DNAJC1: variants seen among roughly 807,000 people sequenced by gnomAD.
DNAJC1 encodes dnaJ homolog subfamily C member 1.
In DNAJC1, 58 loss-of-function variants were observed where a neutral mutation model predicts 76.6. The ratio of observed to expected loss-of-function variants is 0.76; its 90% CI spans 0.61 to 0.94. The LOEUF (loss-of-function observed/expected upper bound fraction) is 0.94, where lower values mean the gene tolerates loss of function less well. DNAJC1 is among the 40% of genes least tolerant of loss of function. The pLI is 0.00. For synonymous variants in DNAJC1, 258 were observed against 267.9 expected (o/e 0.96, Z 0.36); for missense variants, 689 against 677.3 (o/e 1.02, Z -0.19).
chr10:21,898,989 A>G (rs1053991287), intron 7 of DNAJC1, among the ~76,000 whole-genome samples: 2 of 152,194 alleles, frequency 1.3e-5, no homozygotes, highest in African/African-American at 4.8e-5. Flanking sequence ...TGACCCATGG[A>G]AAATGAAGAA....
intron 8 of DNAJC1, among the ~76,000 whole-genome samples, chr10:21,826,684 T>C (rs902770584): frequency 1.3e-5 from 2 of 152,202 alleles, no homozygotes; most frequent in Non-Finnish European, 2.9e-5. Context: ...TTCTATATAC[T>C]ATAACGTAAT....
chr10:21,871,740 C>G (rs1277666579), intron 8 of DNAJC1, among the ~76,000 whole-genome samples: 2 of 150,670 alleles, frequency 1.3e-5, no homozygotes, highest in Non-Finnish European at 3.0e-5. Context: ...CTCTGCCTCC[C>G]GGGTTCAGAC....
intron 8 of DNAJC1, among the ~76,000 whole-genome samples, chr10:21,825,569 T>C (rs989190952): frequency 4.6e-5 from 7 of 152,250 alleles, no homozygotes; most frequent in Non-Finnish European, 8.8e-5. Flanking sequence ...CTGGGTCATA[T>C]GGTAACTCTA....
chr10:21,951,974 A>G (rs1355476738), intron 1 of DNAJC1, among the ~76,000 whole-genome samples: 9 of 152,238 alleles, frequency 5.9e-5, no homozygotes, highest in Admixed American at 5.9e-4. Context: ...GCTTTCTGGG[A>G]GACTGTTACT....
rs1410725460 is a variant in DNAJC1 at position 21,895,224 on chromosome 10, T to C, written c.820+9298A>G. ...AGAGCTCTGCAGAAGAGGAGAGCTGTAGAGAAACCCTCAGTCATCTTAGAG... is the reference window on the plus strand; with the variant it reads ...AGAGCTCTGCAGAAGAGGAGAGCTGCAGAGAAACCCTCAGTCATCTTAGAG... On this transcript the variant is annotated intron_variant, in intron 7 of 11. Coordinates refer to ENST00000376980, the MANE Select transcript of DNAJC1 (RefSeq NM_022365.4). Among the ~76,000 whole-genome samples, 4 of 152,130 alleles carry C rather than the reference T, an allele frequency of 2.6e-5. No homozygotes were observed. In the East Asian group the frequency reaches 5.8e-4, roughly 22 times the overall value.
intron 10 of DNAJC1, among the ~76,000 whole-genome samples, chr10:21,763,841 G>A (rs1834267446): frequency 6.6e-6 from 1 of 152,060 alleles, no homozygotes; most frequent in South Asian, 2.1e-4. Flanking sequence ...GCCAAGTGAC[G>A]AGGCCACCAT....
intron 3 of DNAJC1, among the ~76,000 whole-genome samples, chr10:21,921,896 A>C (rs1342334635): frequency 2.0e-5 from 3 of 152,062 alleles, no homozygotes; most frequent in Non-Finnish European, 2.9e-5. Flanking sequence ...ACATACAAAC[A>C]CTGTGTGTTC....
At chr10:21,887,130 C>T (rs368306629) in intron 7 of DNAJC1, among the ~76,000 whole-genome samples, 2 of 151,964 alleles carry the variant, frequency 1.3e-5, no homozygotes, top group East Asian at 1.9e-4. Flanking sequence ...AAAGGCAATC[C>T]TATTCACAAC....
intron 1 of DNAJC1, among the ~76,000 whole-genome samples, chr10:21,950,137 G>T (rs889718824): frequency 1.3e-5 from 2 of 151,848 alleles, no homozygotes; most frequent in African/African-American, 4.8e-5. Flanking sequence ...TACATGTTGC[G>T]GCTATTGTAT....
rs765436601 is a variant in DNAJC1, at chr10:21,766,309, C to T, written c.1099G>A (p.Val367Met). ...AHELGRSVTD[V>M]TTKAKQLKDS... ...TTCAGTTGCTTGGCTTTGGTTGTCA[C>T]CTGTTTCAAAACATAAAAGCAAAAA... is the stretch of plus-strand genomic sequence containing the variant. Residue 367 changes from valine to methionine, a missense_variant and splice_region_variant, in exon 10 of 12, where the codon GTG becomes ATG. Val to Met is a conservative substitution (Grantham distance 21). Transcript: ENST00000376980. 9.9e-6 allele frequency: 16 copies of T among 1,613,682 alleles called. No individual in the cohort carries two copies. The South Asian group carries it at 1.6e-4, about 17-fold the overall frequency.
intron 9 of DNAJC1, among the ~76,000 whole-genome samples, chr10:21,770,718 T>A (rs533305701): frequency 6.6e-6 from 1 of 152,326 alleles, no homozygotes; most frequent in South Asian, 2.1e-4. Flanking sequence ...AGATTCTTGA[T>A]GTGCTCTGGG....
intron 9 of DNAJC1, among the ~76,000 whole-genome samples, chr10:21,804,937 G>A (rs1019504785): frequency 1.3e-5 from 2 of 152,060 alleles, no homozygotes; most frequent in Admixed American, 6.6e-5. Context: ...CAACTTGAGC[G>A]CCAACGTGAC....
At chr10:21,760,061 T>A (rs1254449640) in intron 10 of DNAJC1, among the ~76,000 whole-genome samples, 2 of 152,156 alleles carry the variant, frequency 1.3e-5, no homozygotes, top group East Asian at 3.9e-4. Flanking sequence ...TATGAGTAAA[T>A]TATACACTTA....
chr10:21,810,825 A>T (rs927888560), intron 8 of DNAJC1, among the ~76,000 whole-genome samples: 14 of 152,192 alleles, frequency 9.2e-5, no homozygotes, highest in African/African-American at 3.4e-4. Context: ...GACTTCACTA[A>T]GGACCCATAC....
At chr10:21,818,394 C>T (rs565177870) in intron 8 of DNAJC1, among the ~76,000 whole-genome samples, 33 of 152,250 alleles carry the variant, frequency 2.2e-4, no homozygotes, top group Admixed American at 4.6e-4. Context: ...CAAAGCATGC[C>T]GAAACTTCAT....
In DNAJC1 at chr10:21,775,079, A is replaced by C. The variant is rs965248138; in HGVS notation, c.1099-8770T>G. Among the ~76,000 whole-genome samples, 5 of 152,162 alleles carry C rather than the reference A, an allele frequency of 3.3e-5. 1 individual carries two copies. The East Asian group carries it at 9.6e-4, about 29-fold the overall frequency. On this transcript the variant is annotated intron_variant, in intron 9 of 11. Coordinates refer to ENST00000376980, the MANE Select transcript of DNAJC1 (RefSeq NM_022365.4). ...CAATTTAGCTTATCCATCACACATAATCTGAGTCCTTCAGATCATTATTGT... is the reference window on the plus strand; with the variant it reads ...CAATTTAGCTTATCCATCACACATACTCTGAGTCCTTCAGATCATTATTGT...
At chr10:21,759,050 A>C (rs1834208610) in intron 11 of DNAJC1, 120 bp downstream of exon 11, 1 of 1,012,280 alleles carries the variant, frequency 9.9e-7, no homozygotes, top group Non-Finnish European at 1.5e-6. Context: ...ATGGGAAAGA[A>C]GAAATCACGG....
chr10:21,829,299 C>T (rs909886887), intron 8 of DNAJC1, among the ~76,000 whole-genome samples: 10 of 151,998 alleles, frequency 6.6e-5, no homozygotes, highest in African/African-American at 1.4e-4. Context: ...ACTGCAGCTC[C>T]GCCTCCCGGG....
intron 1 of DNAJC1, among the ~76,000 whole-genome samples, chr10:21,982,331 A>G (rs904150950): frequency 6.6e-6 from 1 of 152,202 alleles, no homozygotes; most frequent in Non-Finnish European, 1.5e-5. Context: ...AAACTTCATG[A>G]TATTAGATTT....
Sources: allele counts gnomAD v4.1 joint callset (sites outside exome capture counted in the v4.1 genomes callset), GRCh38; gene constraint gnomAD v4.1.1; transcripts MANE v1.5; gene names NCBI Gene and HGNC (gene_info 2026-07-23, HGNC 2026-07-21).